The following BACH2 variants were observed in gnomAD, a reference collection of about 807,000 sequenced individuals.
BACH2 encodes transcription regulator protein BACH2.
Under a neutral mutation model 61.8 loss-of-function variants are expected in BACH2, and 5 were observed. That is an observed-to-expected ratio of 0.08 (90% CI 0.04 to 0.17). The LOEUF (loss-of-function observed/expected upper bound fraction) is 0.17. Among genes scored for constraint, BACH2 ranks in the 10% least tolerant of loss-of-function variants. The pLI is 1.00. For synonymous variants in BACH2, 446 were observed against 440.1 expected (o/e 1.01, Z -0.17); for missense variants, 824 against 1,091.1 (o/e 0.76, Z 3.45).
intron 4 of BACH2, among the ~76,000 whole-genome samples, chr6:90,093,634 C>T (rs775416321): frequency 2.6e-5 from 4 of 152,152 alleles, no homozygotes; most frequent in Admixed American, 6.5e-5. Context: ...GGTGGCTTCA[C>T]ATATTAGTTT....
At chr6:90,131,015 T>C (rs912975844) in intron 4 of BACH2, among the ~76,000 whole-genome samples, 1 of 152,222 alleles carries the variant, frequency 6.6e-6, no homozygotes, top group Non-Finnish European at 1.5e-5. Flanking sequence ...ATATGGTCTT[T>C]TAGTGGGAAG....
At chr6:90,174,377 A>G (rs1212090119) in intron 4 of BACH2, among the ~76,000 whole-genome samples, 1 of 152,056 alleles carries the variant, frequency 6.6e-6, no homozygotes, top group Non-Finnish European at 1.5e-5. Context: ...ATTAAAACAA[A>G]GAATAGAAAG....
intron 4 of BACH2, among the ~76,000 whole-genome samples, chr6:90,150,785 G>A (rs1409836887): frequency 1.3e-5 from 2 of 152,194 alleles, no homozygotes; most frequent in East Asian, 3.8e-4. Context: ...CACCATGCAT[G>A]GTCAATGGCT....
At chr6:90,292,512 T>C (rs1313013061) in intron 1 of BACH2, among the ~76,000 whole-genome samples, 6 of 152,234 alleles carry the variant, frequency 3.9e-5, no homozygotes, top group Non-Finnish European at 8.8e-5. Context: ...ACTCATGGTA[T>C]TAAATTATTC....
intron 4 of BACH2, among the ~76,000 whole-genome samples, chr6:90,204,689 C>G (rs1562502814): frequency 6.6e-6 from 1 of 152,144 alleles, no homozygotes; most frequent in Non-Finnish European, 1.5e-5. Context: ...TTGCTGATAA[C>G]AGATTTCCCG....
chr6:90,059,436 A>C (rs763047722), intron 5 of BACH2, among the ~76,000 whole-genome samples: 1 of 152,162 alleles, frequency 6.6e-6, no homozygotes, highest in African/African-American at 2.4e-5. Flanking sequence ...TACCATCTCA[A>C]ACCAGTTAGA....
intron 4 of BACH2, among the ~76,000 whole-genome samples, chr6:90,126,266 T>C (rs1226377800): frequency 6.6e-6 from 1 of 152,152 alleles, no homozygotes; most frequent in Non-Finnish European, 1.5e-5. Flanking sequence ...CAGTAGCTGC[T>C]AGAATGGGAA....
rs1411574134 is a variant in BACH2, at chr6:90,100,698, CACAG to C, written c.-161-11593_-161-11590del. On this transcript the variant is annotated intron_variant, in intron 4 of 8. Transcript: ENST00000257749. ...TCCTCTCTCTCTCTACACACACACA[CACAG>C]ACACACACACACACACACACACACA... Among the ~76,000 whole-genome samples the C allele has an allele frequency of 1.4e-3, 184 of 130,790 alleles. 2 individuals are homozygous for C. Among genetic ancestry groups the C allele is most frequent in the African/African-American group, 5.3e-3 (173 of 32,446 alleles). 85.8% of individuals were successfully genotyped at this position (130,790 alleles called of 152,430 possible). A position where few individuals can be genotyped will look rare whatever the true frequency, so the allele number is the denominator to read the frequency against.
chr6:90,089,350 G>A (rs1184772200), intron 4 of BACH2, among the ~76,000 whole-genome samples: 1 of 151,856 alleles, frequency 6.6e-6, no homozygotes, highest in Non-Finnish European at 1.5e-5. Context: ...TCTCCTTTAG[G>A]TGAGCAGCCC....
Position 90,008,880 on chromosome 6 carries a change from A to C in BACH2, c.-12-24T>G. On this transcript the variant is annotated intron_variant, in intron 5 of 8. Transcript: ENST00000257749. The surrounding 1 kb of genome is among the most constrained non-coding windows in gnomAD (Gnocchi z 4.1). ...CCCTGAAAGAAAGAAAGAAACAAAG[A>C]AAGAAAGAAAGAAAGGCTGAGTCAC... 2.5e-6 allele frequency: 4 copies of C among 1,606,342 alleles called. No individual in the cohort carries two copies. Among genetic ancestry groups the C allele is most frequent in the Non-Finnish European group, 3.4e-6 (4 of 1,175,898 alleles).
At chr6:90,065,270 C>CTTTTT (rs71027920) in intron 5 of BACH2, among the ~76,000 whole-genome samples, 2,143 of 52,646 alleles carry the variant, frequency 0.041, 355 homozygotes, top group Middle Eastern at 0.091. Context: ...GCCGCCCCCA[C>CTTTTT]TTTTTTTTTT....
intron 5 of BACH2, among the ~76,000 whole-genome samples, chr6:90,059,665 C>T (rs1780575698): frequency 6.6e-6 from 1 of 152,038 alleles, no homozygotes. Flanking sequence ...GCTATAAAGA[C>T]ACATGCACAC....
At chr6:89,982,075 A>G (rs1176191567) in intron 6 of BACH2, among the ~76,000 whole-genome samples, 1 of 152,094 alleles carries the variant, frequency 6.6e-6, no homozygotes, top group Non-Finnish European at 1.5e-5. Flanking sequence ...GGCTCAAGCA[A>G]TCCTCCCACC....
intron 4 of BACH2, among the ~76,000 whole-genome samples, chr6:90,149,107 T>C (rs1784722464): frequency 6.6e-6 from 1 of 152,276 alleles, no homozygotes; most frequent in East Asian, 1.9e-4. Context: ...GTGGAAGTGA[T>C]GCGGATGTAT....
intron 5 of BACH2, among the ~76,000 whole-genome samples, chr6:90,015,375 C>T (rs1235924770): frequency 2.0e-5 from 3 of 152,038 alleles, no homozygotes; most frequent in African/African-American, 7.2e-5. Flanking sequence ...GTTGAGCCCA[C>T]TAATCTGAGA....
intron 3 of BACH2, among the ~76,000 whole-genome samples, chr6:90,212,541 T>G (rs1769392051): frequency 6.6e-6 from 1 of 152,152 alleles, no homozygotes; most frequent in South Asian, 2.1e-4. Context: ...AGACCAGACG[T>G]TTGCCATTCT....
intron 5 of BACH2, among the ~76,000 whole-genome samples, chr6:90,013,930 C>A (rs1042935226): frequency 1.3e-5 from 2 of 152,048 alleles, no homozygotes; most frequent in African/African-American, 4.8e-5. Context: ...AGGTGTGCAC[C>A]ACCATACCTG....
chr6:89,972,128 C>T (rs948537123), intron 6 of BACH2, among the ~76,000 whole-genome samples: 34 of 152,276 alleles, frequency 2.2e-4, no homozygotes, highest in African/African-American at 8.2e-4. Context: ...GGGGCAAGGG[C>T]ACAGGTGAAA....
chr6:90,217,514 G>A (rs1769579526), intron 3 of BACH2, among the ~76,000 whole-genome samples: 1 of 152,086 alleles, frequency 6.6e-6, no homozygotes, highest in Non-Finnish European at 1.5e-5. Flanking sequence ...TGACTATTTT[G>A]AAATGCTCCC....
Sources: allele counts gnomAD v4.1 joint callset (sites outside exome capture counted in the v4.1 genomes callset), GRCh38; gene constraint gnomAD v4.1.1; non-coding constraint Gnocchi (gnomAD v3.1); transcripts MANE v1.5; gene names NCBI Gene and HGNC (gene_info 2026-07-23, HGNC 2026-07-21).